Variants in CRY1 observed in about 807,000 individuals in gnomAD.
The protein encoded by CRY1 is cryptochrome-1.
In CRY1, 45 loss-of-function variants were observed where a neutral mutation model predicts 76.0. The ratio of observed to expected loss-of-function variants is 0.59; its 90% CI spans 0.47 to 0.76. The LOEUF (loss-of-function observed/expected upper bound fraction) is 0.76. CRY1 is among the 30% of genes least tolerant of loss of function. The pLI is 0.00. For synonymous variants in CRY1, 248 were observed against 244.0 expected (o/e 1.02, Z -0.15); for missense variants, 587 against 716.4 (o/e 0.82, Z 2.06).
At chr12:107,056,145 T>G (rs1952979989) in intron 1 of CRY1, among the ~76,000 whole-genome samples, 1 of 152,090 alleles carries the variant, frequency 6.6e-6, no homozygotes, top group Admixed American at 6.5e-5. Context: ...GGACAGAAAT[T>G]AAAGCCTAGA....
intron 1 of CRY1, among the ~76,000 whole-genome samples, chr12:107,076,170 G>C (rs2136896504): frequency 6.6e-6 from 1 of 151,968 alleles, no homozygotes; most frequent in East Asian, 1.9e-4. Context: ...GGATAAAGAA[G>C]TGAGCAAAAG....
At chr12:107,075,694 T>C (rs1953244399) in intron 1 of CRY1, among the ~76,000 whole-genome samples, 2 of 152,138 alleles carry the variant, frequency 1.3e-5, no homozygotes, top group East Asian at 1.9e-4. Flanking sequence ...TTTAAAAATA[T>C]TACTCTGAAT....
chr12:107,000,176 G>A (rs1297122661), intron 5 of CRY1, 94 bp from the exon 6 acceptor site: 2 of 1,241,996 alleles, frequency 1.6e-6, no homozygotes, highest in Non-Finnish European at 2.2e-6. Flanking sequence ...AAGTTACATA[G>A]TTCTTGGGGA....
chr12:107,034,016 C>T (rs1952706042), intron 1 of CRY1, among the ~76,000 whole-genome samples: 1 of 151,550 alleles, frequency 6.6e-6, no homozygotes, highest in South Asian at 2.1e-4. Flanking sequence ...ACCTGCTGAG[C>T]AGTACTTCCA....
chr12:106,998,199 T>C (rs981498111), intron 7 of CRY1, 133 bp from the exon 8 acceptor site: 13 of 966,890 alleles, frequency 1.3e-5, no homozygotes, highest in African/African-American at 9.9e-5. Flanking sequence ...CATTCCAAAG[T>C]TAGCTTCCCT....
intron 1 of CRY1, among the ~76,000 whole-genome samples, chr12:107,070,762 G>A (rs567916711): frequency 1.8e-4 from 27 of 150,912 alleles, no homozygotes; most frequent in Admixed American, 1.3e-3. Flanking sequence ...GTGTAGTGGC[G>A]CGACCTTGGC....
chr12:107,031,447 A>G (rs541231616), intron 1 of CRY1, among the ~76,000 whole-genome samples: 5 of 152,206 alleles, frequency 3.3e-5, no homozygotes, highest in Non-Finnish European at 7.4e-5. Context: ...GAAGACTACA[A>G]AGAAACTTAT....
chr12:107,067,909 G>A lies in CRY1; in HGVS notation c.158+24895C>T, dbSNP rs148056716. 5.1e-3 allele frequency among the ~76,000 whole-genome samples: 775 copies of A among 152,334 alleles called. 6 individuals carry two copies. Among genetic ancestry groups the A allele is most frequent in the African/African-American group, 0.018 (731 of 41,584 alleles). ...CTATTCCATAAGAACAAGAGCTTCA[G>A]TAGAGAACAAGATCCAATCATCATT... On this transcript the variant is annotated intron_variant, in intron 1 of 12. Coordinates refer to ENST00000008527, the MANE Select transcript of CRY1 (RefSeq NM_004075.5).
chr12:107,029,901 T>A (rs1385936260), intron 1 of CRY1, among the ~76,000 whole-genome samples: 1 of 152,024 alleles, frequency 6.6e-6, no homozygotes, highest in Admixed American at 6.6e-5. Flanking sequence ...GTGGGAGAAA[T>A]CATTTCTGGA....
At chr12:107,006,215 G>A (rs978488909) in intron 2 of CRY1, among the ~76,000 whole-genome samples, 1 of 151,866 alleles carries the variant, frequency 6.6e-6, no homozygotes, top group African/African-American at 2.4e-5. Context: ...GTGAAACCCC[G>A]TCTCTACTAA....
At chr12:107,025,177 G>A (rs1240203421) in intron 1 of CRY1, among the ~76,000 whole-genome samples, 2 of 152,130 alleles carry the variant, frequency 1.3e-5, no homozygotes, top group Non-Finnish European at 2.9e-5. Flanking sequence ...ATAGGGGTGA[G>A]AAACAGAGAA....
chr12:107,039,803 A>G (rs1027690919), intron 1 of CRY1, among the ~76,000 whole-genome samples: 5 of 152,302 alleles, frequency 3.3e-5, no homozygotes, highest in Admixed American at 1.3e-4. Flanking sequence ...TGGCCACTCA[A>G]CTCAAGGTTT....
chr12:107,041,359 T>C (rs912433499), intron 1 of CRY1, among the ~76,000 whole-genome samples: 2 of 152,214 alleles, frequency 1.3e-5, no homozygotes, highest in African/African-American at 4.8e-5. Flanking sequence ...GGAAGATCTC[T>C]AAGGTTTTAT....
At position 107,092,652 on chromosome 12, in the gene CRY1, T is replaced by C. The variant is rs569192425; in HGVS notation, c.158+152A>G. 1.9e-5 allele frequency: 21 copies of C among 1,108,382 alleles called. No homozygotes were observed. In the South Asian group the frequency reaches 3.0e-4, roughly 16 times the overall value. The allele number at this position is 1,108,382 out of a possible 1,614,324, so 68.7% of individuals were successfully genotyped here. A position where few individuals can be genotyped will look rare whatever the true frequency, so the allele number is the denominator to read the frequency against. ...TTTGGCCAGAGAAGTATTAAGTCAA[T>C]TCTATTTAATACTTAGGGCACCTAA... On this transcript the variant is annotated intron_variant, in intron 1 of 12. Transcript: ENST00000008527.
At chr12:107,001,634 C>T in intron 4 of CRY1, 130 bp downstream of exon 4, 1 of 808,080 alleles carries the variant, frequency 1.2e-6, no homozygotes, top group Non-Finnish European at 1.9e-6. Context: ...GGTTCTTTTT[C>T]TTCTCCCCCT....
chr12:107,062,146 C>G (rs1242208415), intron 1 of CRY1, among the ~76,000 whole-genome samples: 1 of 151,036 alleles, frequency 6.6e-6, no homozygotes, highest in African/African-American at 2.4e-5. Context: ...TAAAAAGTCA[C>G]AGAAGTAACT....
At chr12:107,021,103 G>T (rs1194932274) in intron 2 of CRY1, among the ~76,000 whole-genome samples, 1 of 152,126 alleles carries the variant, frequency 6.6e-6, no homozygotes, top group Non-Finnish European at 1.5e-5. Flanking sequence ...GACCAACATG[G>T]TGAAACCCTG....
chr12:107,057,591 C>T (rs1298650052), intron 1 of CRY1, among the ~76,000 whole-genome samples: 6 of 152,142 alleles, frequency 3.9e-5, no homozygotes, highest in East Asian at 1.9e-4. Context: ...CTTAGCTGGG[C>T]GTGGTGGTAT....
intron 1 of CRY1, among the ~76,000 whole-genome samples, chr12:107,064,976 A>G (rs1039202757): frequency 2.6e-5 from 4 of 152,116 alleles, no homozygotes; most frequent in Non-Finnish European, 5.9e-5. Context: ...AGATAAAAGG[A>G]CTGCTGATAA....
Sources: allele counts gnomAD v4.1 joint callset (sites outside exome capture counted in the v4.1 genomes callset), GRCh38; gene constraint gnomAD v4.1.1; transcripts MANE v1.5; gene names NCBI Gene and HGNC (gene_info 2026-07-23, HGNC 2026-07-21).